Variants in CREB3L1 observed in about 807,000 individuals in gnomAD.
The protein encoded by CREB3L1 is cAMP responsive element binding protein 3 like 1.
A neutral mutation model predicts 54.5 loss-of-function variants in CREB3L1; 33 were observed. The observed-to-expected ratio is 0.61, with a 90% CI of 0.46 to 0.81. The LOEUF (loss-of-function observed/expected upper bound fraction) is 0.81. CREB3L1 is among the 30% of genes least tolerant of loss of function. CREB3L1 has a pLI of 0.00. For missense variants in CREB3L1, 656 were observed against 673.3 expected (o/e 0.97, Z 0.29); for synonymous variants, 284 against 286.4 (o/e 0.99, Z 0.08).
chr11:46,320,454 T>C lies in CREB3L1; in HGVS notation c.1449T>C (p.Ser483=), dbSNP rs1187421373. 6.2e-7 allele frequency: 1 copy of C among 1,607,514 alleles called. No homozygotes were observed. ...DSTHETTKYL[S]EAWPKDGGNG... is the part of the protein sequence containing the mutation. The stretch of plus-strand genomic sequence containing the variant: ...CCCACGAGACCACCAAGTACCTGAG[T>C]GAGGCCTGGCCTAAAGACGGTGGAA... The change falls in exon 11 of 12, where the codon AGT becomes AGC. Residue 483 remains serine (S), a synonymous_variant. Transcript: ENST00000621158.
rs760674300 is a variant in CREB3L1, at chr11:46,311,054, G to A, written c.618G>A (p.Pro206=). The change falls in exon 5 of 12, where the codon CCG becomes CCA. Residue 206 remains proline (P), a synonymous_variant. Transcript: ENST00000621158. ...CAGAGGACCTGGTGCAGATGCCTCC[G>A]ACGCCCCCCAGCAGCCATGGCAGTG... ...VTPEDLVQMP[P]TPPSSHGSDS... The A allele has an allele frequency of 2.4e-5, 38 of 1,605,628 alleles. 1 individual carries two copies. Among genetic ancestry groups the A allele is most frequent in the South Asian group, 5.5e-5 (5 of 90,228 alleles).
chr11:46,289,326 C>A (rs564757712), intron 1 of CREB3L1, among the ~76,000 whole-genome samples: 1 of 152,254 alleles, frequency 6.6e-6, no homozygotes, highest in East Asian at 1.9e-4. Flanking sequence ...TTGCAGTGAC[C>A]CAAGATGGTA....
intron 1 of CREB3L1, among the ~76,000 whole-genome samples, chr11:46,289,236 A>G (rs1939099914): frequency 6.6e-6 from 1 of 152,148 alleles, no homozygotes; most frequent in South Asian, 2.1e-4. Flanking sequence ...AAAATTAGCC[A>G]GACATGGTGG....
chr11:46,312,954 T>C, intron 8 of CREB3L1, 35 bp downstream of exon 8: 1 of 1,497,762 alleles, frequency 6.7e-7, no homozygotes, highest in Non-Finnish European at 9.1e-7. Context: ...CCTGGCCCCC[T>C]GCCCCTCTGC....
At position 46,295,758 on chromosome 11, in the gene CREB3L1, G is replaced by C. The variant is rs867847116; in HGVS notation, c.103-4177G>C. On this transcript the variant is annotated intron_variant, in intron 1 of 11. Transcript: ENST00000621158. The surrounding 1 kb of genome is among the most constrained non-coding windows in gnomAD (Gnocchi z 4.6). The stretch of plus-strand genomic sequence containing the variant: ...GTGTTCCCGGGTTAACCCTTTGTGG[G>C]CCGCTCCAGGACGGCGGCACCCGGA... Among the ~76,000 whole-genome samples the C allele has an allele frequency of 3.9e-5, 6 of 152,336 alleles. No homozygotes were observed. The South Asian group carries it at 1.2e-3, about 32-fold the overall frequency.
chr11:46,284,053 A>T (rs1434111676), intron 1 of CREB3L1, among the ~76,000 whole-genome samples: 3 of 152,128 alleles, frequency 2.0e-5, no homozygotes, highest in African/African-American at 7.2e-5. Flanking sequence ...ACCAGCTGGG[A>T]ATTCACTTGC....
chr11:46,305,746 A>ATTTTT (rs34152812), intron 2 of CREB3L1, among the ~76,000 whole-genome samples: 59 of 129,286 alleles, frequency 4.6e-4, no homozygotes, highest in African/African-American at 1.8e-3. Context: ...ATATATATAT[A>ATTTTT]TTTTTTTTTA....
chr11:46,305,672 A>ATG (rs1402675379), intron 2 of CREB3L1, among the ~76,000 whole-genome samples: 18 of 89,372 alleles, frequency 2.0e-4, no homozygotes, highest in Admixed American at 3.1e-4. Flanking sequence ...GTGTATATAT[A>ATG]TGTGTGTGTG....
At chr11:46,289,476 G>T (rs1293841680) in intron 1 of CREB3L1, among the ~76,000 whole-genome samples, 1 of 152,198 alleles carries the variant, frequency 6.6e-6, no homozygotes, top group African/African-American at 2.4e-5. Flanking sequence ...AGAGTTCAGG[G>T]CATGACATTA....
intron 1 of CREB3L1, among the ~76,000 whole-genome samples, chr11:46,290,104 C>T (rs187031870): frequency 6.6e-6 from 1 of 152,300 alleles, no homozygotes; most frequent in East Asian, 1.9e-4. Flanking sequence ...CCAGGAGTAC[C>T]AGTTCCCTTC....
chr11:46,316,881 C>T (rs950825655), intron 9 of CREB3L1, among the ~76,000 whole-genome samples: 3 of 152,296 alleles, frequency 2.0e-5, no homozygotes, highest in South Asian at 2.1e-4. Flanking sequence ...CAGCATGCCC[C>T]GGCCCTCCGA....
At chr11:46,305,798 C>T (rs925691366) in intron 2 of CREB3L1, among the ~76,000 whole-genome samples, 66 of 148,016 alleles carry the variant, frequency 4.5e-4, no homozygotes, top group African/African-American at 1.5e-3. Flanking sequence ...AGTGCAGTGG[C>T]GCAATCTCGG....
intron 1 of CREB3L1, among the ~76,000 whole-genome samples, chr11:46,289,604 G>T (rs1314992334): frequency 1.3e-5 from 2 of 152,172 alleles, no homozygotes; most frequent in African/African-American, 2.4e-5. Context: ...GCCCCTTAAA[G>T]GATAGGAAGA....
chr11:46,312,757 G>A lies in CREB3L1; in HGVS notation c.962+87G>A, dbSNP rs1470868252. The A allele has an allele frequency of 7.1e-6, 11 of 1,552,000 alleles. 1 individual carries two copies. In the African/African-American group the frequency reaches 9.5e-5, roughly 13 times the overall value. ...CTCCCTCAGGGGGCAGCAGAGGCAGGGGGCACAGGGAGTGTGATGGTGGTG... is the reference window on the plus strand; with the variant it reads ...CTCCCTCAGGGGGCAGCAGAGGCAGAGGGCACAGGGAGTGTGATGGTGGTG... On this transcript the variant is annotated intron_variant, in intron 7 of 11. Transcript: ENST00000621158.
intron 1 of CREB3L1, among the ~76,000 whole-genome samples, chr11:46,279,940 A>T (rs1413627109): frequency 2.0e-5 from 3 of 152,182 alleles, no homozygotes; most frequent in Non-Finnish European, 4.4e-5. Context: ...ACAGGAAAAG[A>T]GGCACGACCA....
In CREB3L1 at chr11:46,307,929, G is replaced by C. The variant is rs775995889; in HGVS notation, c.445G>C (p.Ala149Pro). The C allele has an allele frequency of 4.5e-6, 7 of 1,562,032 alleles. No homozygotes were observed. Among genetic ancestry groups the C allele is most frequent in the Non-Finnish European group, 6.1e-6 (7 of 1,156,104 alleles). ...TCTGGCTGCCCCCTCGGCCATGGCT[G>C]CCGCGGCCGCCATGGCCACCACCCC... Reference protein sequence around the residue: ...DPLAAPSAMAAAAAMATTPLL... With the variant: ...DPLAAPSAMAPAAAMATTPLL... The change falls in exon 3 of 12, where the codon GCC becomes CCC. Residue 149 changes from alanine to proline, a missense_variant. By Grantham distance (27) the Ala-to-Pro change is conservative. This residue lies in a region of CREB3L1 where 339 missense variants were observed against 331.5 expected (regional missense o/e 1.02). Coordinates refer to ENST00000621158, the MANE Select transcript of CREB3L1 (RefSeq NM_052854.4).
chr11:46,305,684 GTATATA>G (rs1229135560), intron 2 of CREB3L1, among the ~76,000 whole-genome samples: 2 of 109,344 alleles, frequency 1.8e-5, no homozygotes, highest in South Asian at 2.8e-4. Context: ...GTGTGTGTGT[GTATATA>G]TGTGTGTGTG....
At position 46,299,554 on chromosome 11, in the gene CREB3L1, G is replaced by A. The variant is rs137879285; in HGVS notation, c.103-381G>A. On this transcript the variant is annotated intron_variant, in intron 1 of 11. Transcript: ENST00000621158. ...TCACATCAGCCTATGAAGGAAGTAA[G>A]AAGGACTGAGAAACTGACTCACGCA... Among the ~76,000 whole-genome samples the A allele has an allele frequency of 4.2e-3, 647 of 152,374 alleles. 3 individuals carry two copies. The highest frequency in any genetic ancestry group is 0.013 in the African/African-American group (553 of 41,588).
intron 2 of CREB3L1, among the ~76,000 whole-genome samples, chr11:46,304,255 C>T (rs565643258): frequency 4.6e-5 from 7 of 152,136 alleles, no homozygotes; most frequent in Non-Finnish European, 1.0e-4. Context: ...GGTGGATCAC[C>T]TGAGGTCAGG....
Sources: allele counts gnomAD v4.1 joint callset (sites outside exome capture counted in the v4.1 genomes callset), GRCh38; gene constraint gnomAD v4.1.1; regional missense constraint gnomAD v4.1.1; non-coding constraint Gnocchi (gnomAD v3.1); transcripts MANE v1.5; gene names NCBI Gene and HGNC (gene_info 2026-07-23, HGNC 2026-07-21).